Variants in SKAP1 observed in about 807,000 individuals in gnomAD.
SKAP1 encodes the protein src kinase-associated phosphoprotein 1.
Under a neutral mutation model 58.5 loss-of-function variants are expected in SKAP1, and 44 were observed. The ratio of observed to expected loss-of-function variants is 0.75; its 90% CI spans 0.59 to 0.97. The LOEUF (loss-of-function observed/expected upper bound fraction) is 0.97. Among genes scored for constraint, SKAP1 ranks in the 50% least tolerant of loss-of-function variants. The pLI, the probability that SKAP1 is intolerant of heterozygous loss-of-function variation, is 0.00. For missense variants in SKAP1, 390 were observed against 435.2 expected (o/e 0.90, Z 0.92); for synonymous variants, 127 against 149.7 (o/e 0.85, Z 1.11).
At chr17:48,163,664 T>C (rs2064099861) in intron 10 of SKAP1, among the ~76,000 whole-genome samples, 1 of 152,212 alleles carries the variant, frequency 6.6e-6, no homozygotes, top group Admixed American at 6.5e-5. Context: ...GATTTCCACC[T>C]TTCCCTTTAT....
At chr17:48,270,653 T>C (rs1357116744) in intron 4 of SKAP1, among the ~76,000 whole-genome samples, 1 of 152,082 alleles carries the variant, frequency 6.6e-6, no homozygotes, top group East Asian at 1.9e-4. Context: ...ATTTTTTATT[T>C]TTTATCTTTT....
chr17:48,290,847 A>G (rs935156832), intron 4 of SKAP1, among the ~76,000 whole-genome samples: 3 of 152,244 alleles, frequency 2.0e-5, no homozygotes, highest in Non-Finnish European at 4.4e-5. Flanking sequence ...ACAAAAAATT[A>G]AAGACACTTC....
chr17:48,170,709 G>A, intron 9 of SKAP1, 50 bp from the exon 10 acceptor site: 2 of 1,323,448 alleles, frequency 1.5e-6, no homozygotes, highest in Non-Finnish European at 2.1e-6. Flanking sequence ...ACAGTCTCAT[G>A]TTCTTTTTTT....
At chr17:48,183,847 A>G (rs1485925399) in intron 7 of SKAP1, among the ~76,000 whole-genome samples, 1 of 152,184 alleles carries the variant, frequency 6.6e-6, no homozygotes, top group African/African-American at 2.4e-5. Context: ...ATAAAAAAGA[A>G]GAATGCTGAG....
intron 1 of SKAP1, among the ~76,000 whole-genome samples, chr17:48,411,208 T>C (rs949709477): frequency 3.9e-5 from 6 of 151,922 alleles, no homozygotes; most frequent in African/African-American, 1.5e-4. Context: ...GAGACCAGTC[T>C]GGCCAACATG....
intron 3 of SKAP1, among the ~76,000 whole-genome samples, chr17:48,359,496 A>G (rs1392175034): frequency 6.6e-6 from 1 of 152,218 alleles, no homozygotes; most frequent in Admixed American, 6.5e-5. Flanking sequence ...AAGTTTATAC[A>G]TTCGTTGGTA....
intron 4 of SKAP1, among the ~76,000 whole-genome samples, chr17:48,211,858 C>T (rs750601863): frequency 5.3e-5 from 8 of 152,014 alleles, no homozygotes; most frequent in Non-Finnish European, 8.8e-5. Flanking sequence ...CCAGTTCCAG[C>T]CAGCAGGAAG....
intron 4 of SKAP1, among the ~76,000 whole-genome samples, chr17:48,293,203 G>A (rs975875611): frequency 6.6e-6 from 1 of 151,938 alleles, no homozygotes; most frequent in Non-Finnish European, 1.5e-5. Flanking sequence ...TTTATGTATT[G>A]TATATGTTAT....
chr17:48,411,425 A>ATAAG (rs1555624723), intron 1 of SKAP1, among the ~76,000 whole-genome samples: 1 of 151,924 alleles, frequency 6.6e-6, no homozygotes, highest in African/African-American at 2.4e-5. Flanking sequence ...AAATAAATAA[A>ATAAG]TAAATAAATA....
chr17:48,212,922 G>A (rs1410579758), intron 4 of SKAP1, among the ~76,000 whole-genome samples: 2 of 152,202 alleles, frequency 1.3e-5, no homozygotes, highest in East Asian at 3.9e-4. Flanking sequence ...TGATTGGCGT[G>A]CAGAATTCAG....
intron 4 of SKAP1, among the ~76,000 whole-genome samples, chr17:48,241,352 A>C (rs1038395057): frequency 1.3e-5 from 2 of 152,066 alleles, no homozygotes; most frequent in Non-Finnish European, 2.9e-5. Context: ...CTCTGTGTGC[A>C]TGTGTGGAGG....
chr17:48,210,364 TG>T (rs1345300172), intron 4 of SKAP1, among the ~76,000 whole-genome samples: 3 of 152,144 alleles, frequency 2.0e-5, no homozygotes, highest in African/African-American at 7.2e-5. Flanking sequence ...GGCTGAGGCA[TG>T]TTTATTTTTA....
At chr17:48,187,725 G>C (rs940760344) in intron 6 of SKAP1, 118 bp downstream of exon 6, 1 of 647,542 alleles carries the variant, frequency 1.5e-6, no homozygotes, top group Non-Finnish European at 2.7e-6. Context: ...TCTTTCCTAA[G>C]CATGTCCCTT....
intron 4 of SKAP1, among the ~76,000 whole-genome samples, chr17:48,209,163 A>G (rs927764023): frequency 3.9e-5 from 6 of 152,338 alleles, no homozygotes; most frequent in African/African-American, 1.4e-4. Flanking sequence ...AATCCTTAGC[A>G]TTAGTCTGTC....
intron 3 of SKAP1, 93 bp downstream of exon 3, chr17:48,363,696 C>A: frequency 9.0e-7 from 1 of 1,113,622 alleles, no homozygotes; most frequent in South Asian, 1.7e-5. Context: ...GTTAATGCCA[C>A]TCTGTGGAGA....
intron 4 of SKAP1, among the ~76,000 whole-genome samples, chr17:48,300,049 T>C (rs911297190): frequency 6.6e-6 from 1 of 152,044 alleles, no homozygotes; most frequent in African/African-American, 2.4e-5. Flanking sequence ...TGCAGTGTTA[T>C]GAGAAAACTG....
intron 11 of SKAP1, among the ~76,000 whole-genome samples, chr17:48,148,225 G>A (rs2063855751): frequency 6.6e-6 from 1 of 152,202 alleles, no homozygotes; most frequent in Non-Finnish European, 1.5e-5. Flanking sequence ...GAGTGGGTGT[G>A]TGCAAGTGTA....
chr17:48,329,408 A>C (rs1418930795), intron 4 of SKAP1, among the ~76,000 whole-genome samples: 1 of 152,174 alleles, frequency 6.6e-6, no homozygotes, highest in Non-Finnish European at 1.5e-5. Flanking sequence ...AATCTGGAGG[A>C]GTAACAATCA....
intron 4 of SKAP1, among the ~76,000 whole-genome samples, chr17:48,268,879 A>G (rs966345444): frequency 6.6e-6 from 1 of 152,158 alleles, no homozygotes; most frequent in African/African-American, 2.4e-5. Flanking sequence ...TGAAATTTAC[A>G]GGAAAAATAA....
Sources: allele counts gnomAD v4.1 joint callset (sites outside exome capture counted in the v4.1 genomes callset), GRCh38; gene constraint gnomAD v4.1.1; transcripts MANE v1.5; gene names NCBI Gene and HGNC (gene_info 2026-07-23, HGNC 2026-07-21).